Variants in ITGA9 observed in about 807,000 individuals in gnomAD.
The protein encoded by ITGA9 is integrin alpha-9.
In ITGA9, 56 loss-of-function variants were observed where a neutral mutation model predicts 127.8. The ratio of observed to expected loss-of-function variants is 0.44; its 90% CI spans 0.35 to 0.55. ITGA9 has a LOEUF of 0.55. Among genes scored for constraint, ITGA9 ranks in the 20% least tolerant of loss-of-function variants. The probability of loss-of-function intolerance (pLI) is 0.00; values close to 1 mark genes in which losing one functional copy is unlikely to be tolerated. For missense variants in ITGA9, 1,196 were observed against 1,347.1 expected, an observed-to-expected ratio of 0.89 and a Z score of 1.76; for synonymous variants, 508 against 514.5, an observed-to-expected ratio of 0.99 and a Z score of 0.17.
chr3:37,684,113 A>G, intron 18 of ITGA9, 98 bp downstream of exon 18: 1 of 1,053,378 alleles, frequency 9.5e-7, no homozygotes, highest in East Asian at 2.4e-5. Flanking sequence ...TACAAGCACT[A>G]ATCCTTTCTG....
rs143261134 is a variant in ITGA9, at chr3:37,634,208, A to G, written c.1839+4872A>G. On this transcript the variant is annotated intron_variant, in intron 16 of 27. Coordinates refer to ENST00000264741, the MANE Select transcript of ITGA9 (RefSeq NM_002207.3). The stretch of plus-strand genomic sequence containing the variant: ...GGAACAAAGGATCTACAAAACAACT[A>G]GAAAACAACAAAATTGCAGTAGTAA... 1.4e-4 allele frequency among the ~76,000 whole-genome samples: 21 copies of G among 152,254 alleles called. No individual in the cohort carries two copies. In the East Asian group the frequency reaches 3.3e-3, roughly 24 times the overall value.
At chr3:37,681,503 G>A (rs930317891) in intron 17 of ITGA9, among the ~76,000 whole-genome samples, 7 of 152,210 alleles carry the variant, frequency 4.6e-5, no homozygotes, top group African/African-American at 1.7e-4. Flanking sequence ...AGAGGGGAAA[G>A]AGAGGGTCTG....
chr3:37,640,210 G>A (rs1218703947), intron 16 of ITGA9, among the ~76,000 whole-genome samples: 2 of 152,182 alleles, frequency 1.3e-5, no homozygotes, highest in Admixed American at 1.3e-4. Flanking sequence ...AATGGGGAGA[G>A]GAGCCTGGAT....
intron 19 of ITGA9, 85 bp downstream of exon 19, chr3:37,732,883 A>G (rs1696311380): frequency 3.8e-6 from 4 of 1,039,372 alleles, no homozygotes; most frequent in Non-Finnish European, 5.9e-6. Context: ...CCCTGAGGTG[A>G]GGAGTCCTCC....
chr3:37,452,511 C>T lies in ITGA9; in HGVS notation c.137C>T (p.Ser46Leu). 1 of 1,526,700 alleles carries T rather than the reference C, an allele frequency of 6.6e-7. No homozygotes were observed. The highest frequency in any genetic ancestry group is 8.8e-7 in the Non-Finnish European group (1 of 1,136,996). The allele number at this position is 1,526,700 out of a possible 1,614,324, so 94.6% of individuals were successfully genotyped here. Residue 46 changes from serine to leucine, a missense_variant, in exon 1 of 28, where the codon TCG becomes TTG. Transcript: ENST00000264741. This position sits in a 1 kb window ranked among gnomAD's most constrained non-coding sequence, Gnocchi z 7.3. ...RPVHFQGPADSFFGYAVLEHF... is the reference protein window; with the variant it reads ...RPVHFQGPADLFFGYAVLEHF... ...GTGCACTTCCAGGGCCCCGCTGACT[C>T]GTTCTTCGGCTACGCAGTTCTGGAG...
intron 15 of ITGA9, among the ~76,000 whole-genome samples, chr3:37,554,628 C>T (rs989127462): frequency 6.6e-5 from 10 of 152,038 alleles, no homozygotes; most frequent in Non-Finnish European, 1.5e-4. Flanking sequence ...GAGGGTGGCT[C>T]CACTGGGGCC....
At chr3:37,489,072 C>T (rs1698640378) in intron 4 of ITGA9, among the ~76,000 whole-genome samples, 1 of 152,202 alleles carries the variant, frequency 6.6e-6, no homozygotes, top group South Asian at 2.1e-4. Context: ...TTGAATCATA[C>T]AGTATGTGCC....
chr3:37,576,035 C>T (rs1299024724), intron 15 of ITGA9, among the ~76,000 whole-genome samples: 1 of 152,186 alleles, frequency 6.6e-6, no homozygotes, highest in South Asian at 2.1e-4. Context: ...TCGGCCATAA[C>T]CCCGGGAAAG....
chr3:37,701,284 T>A (rs1700942892), intron 18 of ITGA9, among the ~76,000 whole-genome samples: 1 of 152,204 alleles, frequency 6.6e-6, no homozygotes, highest in Non-Finnish European at 1.5e-5. Context: ...GTAACACTCA[T>A]GTCTTATTTA....
At chr3:37,695,285 A>G (rs1018310968) in intron 18 of ITGA9, among the ~76,000 whole-genome samples, 13 of 152,204 alleles carry the variant, frequency 8.5e-5, no homozygotes, top group Admixed American at 8.5e-4. Flanking sequence ...GAGCCAAACG[A>G]AGACTGAAGC....
intron 14 of ITGA9, among the ~76,000 whole-genome samples, chr3:37,539,658 G>A (rs534638046): frequency 1.3e-5 from 2 of 152,308 alleles, no homozygotes; most frequent in African/African-American, 4.8e-5. Flanking sequence ...TGATTTAAAT[G>A]TTAATCTAAT....
intron 26 of ITGA9, among the ~76,000 whole-genome samples, chr3:37,800,108 A>G (rs958576214): frequency 2.6e-5 from 4 of 152,210 alleles, no homozygotes; most frequent in African/African-American, 9.6e-5. Context: ...CGGGGAAGTG[A>G]CAGGGCATTC....
At chr3:37,751,041 G>C (rs1696579575) in intron 23 of ITGA9, among the ~76,000 whole-genome samples, 1 of 152,248 alleles carries the variant, frequency 6.6e-6, no homozygotes, top group Non-Finnish European at 1.5e-5. Context: ...ATATGGAGCA[G>C]GTGAATATCT....
intron 16 of ITGA9, among the ~76,000 whole-genome samples, chr3:37,643,978 T>A (rs1330267132): frequency 1.3e-5 from 2 of 152,154 alleles, no homozygotes; most frequent in South Asian, 2.1e-4. Context: ...TTCCTAGCTG[T>A]TTTCTGCCTC....
chr3:37,503,173 G>A lies in ITGA9; in HGVS notation c.613-5G>A. On this transcript the variant is annotated splice_polypyrimidine_tract_variant and splice_region_variant and intron_variant, in intron 5 of 27. Coordinates refer to ENST00000264741, the MANE Select transcript of ITGA9 (RefSeq NM_002207.3). The stretch of plus-strand genomic sequence containing the variant: ...TCTGCTTACCGTTGGATTTCTTTTT[G>A]GTAGGAGCTGGTGGTGATGGGTGCT... The A allele has an allele frequency of 6.2e-7, 1 of 1,613,652 alleles. No individual in the cohort carries two copies. Among genetic ancestry groups the A allele is most frequent in the Non-Finnish European group, 8.5e-7 (1 of 1,179,756 alleles).
chr3:37,801,096 C>T (rs1026824286), intron 26 of ITGA9, among the ~76,000 whole-genome samples: 1 of 152,154 alleles, frequency 6.6e-6, no homozygotes, highest in South Asian at 2.1e-4. Flanking sequence ...ACCCAGGAGG[C>T]AGAGGTTGCA....
chr3:37,470,489 C>T (rs1171572478), intron 1 of ITGA9, among the ~76,000 whole-genome samples: 2 of 152,198 alleles, frequency 1.3e-5, no homozygotes, highest in African/African-American at 4.8e-5. Context: ...ATTTGGCTAT[C>T]TTCTTTTGTG....
chr3:37,628,282 C>G (rs989736529), intron 15 of ITGA9, among the ~76,000 whole-genome samples: 11 of 152,168 alleles, frequency 7.2e-5, no homozygotes, highest in African/African-American at 2.7e-4. Context: ...CCGCCGAGCT[C>G]ACTGTCTCAG....
rs2125592470 is a variant in ITGA9 at position 37,545,798 on chromosome 3, C to T, written c.1689+3213C>T. 2.0e-5 allele frequency among the ~76,000 whole-genome samples: 3 copies of T among 152,360 alleles called. No individual in the cohort carries two copies. In the South Asian group the frequency reaches 6.2e-4, roughly 32 times the overall value. On this transcript the variant is annotated intron_variant, in intron 15 of 27. Transcript: ENST00000264741. The stretch of plus-strand genomic sequence containing the variant: ...CCCAACACCTCCCCTCAGCATCGGG[C>T]TCTCCATGCCCTGCCTGACCTTACC...
Sources: allele counts gnomAD v4.1 joint callset (sites outside exome capture counted in the v4.1 genomes callset), GRCh38; gene constraint gnomAD v4.1.1; non-coding constraint Gnocchi (gnomAD v3.1); transcripts MANE v1.5; gene names NCBI Gene and HGNC (gene_info 2026-07-23, HGNC 2026-07-21).